C9orf43: variants seen among roughly 807,000 people sequenced by gnomAD.
C9orf43 encodes uncharacterized protein C9orf43.
A neutral mutation model predicts 59.1 loss-of-function variants in C9orf43; 45 were observed. The ratio of observed to expected loss-of-function variants is 0.76; its 90% CI spans 0.60 to 0.98. C9orf43 has a LOEUF of 0.98. C9orf43 is among the 50% of genes least tolerant of loss of function. C9orf43 has a pLI of 0.00. For missense variants in C9orf43, 533 were observed against 554.9 expected (o/e 0.96, Z 0.40); for synonymous variants, 203 against 196.8 (o/e 1.03, Z -0.26).
At chr9:113,420,536 A>T (rs1588107559) in intron 4 of C9orf43, among the ~76,000 whole-genome samples, 1 of 152,354 alleles carries the variant, frequency 6.6e-6, no homozygotes, top group Admixed American at 6.5e-5. Flanking sequence ...TATTTTGAAT[A>T]GTTTTTTCGT....
intron 1 of C9orf43, among the ~76,000 whole-genome samples, chr9:113,412,140 A>G (rs953043410): frequency 1.3e-5 from 2 of 152,252 alleles, no homozygotes; most frequent in East Asian, 1.9e-4. Flanking sequence ...ATTAGAGACC[A>G]TAAGGTCTGG....
rs913860370 is a variant in C9orf43, at chr9:113,429,681, T to G, written c.*295T>G. 2.9e-5 allele frequency: 9 copies of G among 306,700 alleles called. No individual in the cohort carries two copies. Among genetic ancestry groups the G allele is most frequent in the African/African-American group, 2.0e-4 (9 of 46,070 alleles). 19.0% of individuals were successfully genotyped at this position (306,700 alleles called of 1,614,324 possible). On this transcript the variant is annotated 3_prime_UTR_variant, in exon 14 of 14. Transcript: ENST00000374165. ...TTTGGTGATTAAACACAACTGCTTTTCAATCAAAAGACTTATTTTCTGTTT... is the reference window on the plus strand; with the variant it reads ...TTTGGTGATTAAACACAACTGCTTTGCAATCAAAAGACTTATTTTCTGTTT...
At chr9:113,426,930 A>C (rs1027548850) in intron 11 of C9orf43, among the ~76,000 whole-genome samples, 3 of 152,128 alleles carry the variant, frequency 2.0e-5, no homozygotes, top group African/African-American at 7.2e-5. Flanking sequence ...AGTTTTCCTG[A>C]TATGGGAAAG....
intron 3 of C9orf43, among the ~76,000 whole-genome samples, chr9:113,418,514 A>G (rs1375864845): frequency 2.0e-5 from 3 of 152,230 alleles, no homozygotes; most frequent in Non-Finnish European, 2.9e-5. Context: ...AGTTTAATTT[A>G]TAAGTTAGGC....
At chr9:113,418,105 G>A (rs1828438834) in intron 3 of C9orf43, among the ~76,000 whole-genome samples, 1 of 152,170 alleles carries the variant, frequency 6.6e-6, no homozygotes, top group African/African-American at 2.4e-5. Flanking sequence ...CCATTTTTAA[G>A]CATACAATTC....
chr9:113,422,797 C>A (rs1047013322), intron 6 of C9orf43, among the ~76,000 whole-genome samples: 1 of 152,030 alleles, frequency 6.6e-6, no homozygotes, highest in Non-Finnish European at 1.5e-5. Context: ...ATGAAGAGCA[C>A]CTTGAGATAA....
At chr9:113,425,967 A>G (rs528683895) in intron 11 of C9orf43, among the ~76,000 whole-genome samples, 14 of 152,348 alleles carry the variant, frequency 9.2e-5, no homozygotes, top group African/African-American at 3.1e-4. Context: ...AAAGATGACC[A>G]TGAACATGAA....
At position 113,421,193 on chromosome 9, in the gene C9orf43, A is replaced by T; in HGVS notation, c.436A>T (p.Ile146Leu). The stretch of plus-strand genomic sequence containing the variant: ...ATTGTGGATCCCAGAAGAAACAGAG[A>T]TACATGTGAGGTGAGTATCATATCT... Reference protein sequence around the residue: ...VVLWIPEETEIHVSQHGKKKR... With the variant: ...VVLWIPEETELHVSQHGKKKR... Residue 146 changes from isoleucine (I) to leucine (L), a missense_variant, in exon 5 of 14, where the codon ATA becomes TTA. Coordinates refer to ENST00000374165, the MANE Select transcript of C9orf43 (RefSeq NM_001278629.2). The T allele has an allele frequency of 1.2e-6, 2 of 1,609,414 alleles. No homozygotes were observed. The highest frequency in any genetic ancestry group is 1.7e-6 in the Non-Finnish European group (2 of 1,175,972).
intron 1 of C9orf43, 162 bp downstream of exon 1, chr9:113,411,163 T>G (rs536652656): frequency 1.1e-6 from 1 of 945,240 alleles, no homozygotes; most frequent in East Asian, 1.2e-4. Flanking sequence ...AGAAGCAGCC[T>G]TTTCACTGTA....
chr9:113,422,463 G>T, intron 5 of C9orf43, 86 bp from the exon 6 acceptor site: 1 of 1,549,378 alleles, frequency 6.5e-7, no homozygotes, highest in Non-Finnish European at 8.8e-7. Context: ...TTCTGTTTAA[G>T]ATATCTGGGA....
rs1353356025 is a variant in C9orf43 at position 113,422,596 on chromosome 9, T to C, written c.483+11T>C. 6.2e-7 allele frequency: 1 copy of C among 1,613,936 alleles called. No homozygotes were observed. Among genetic ancestry groups the C allele is most frequent in the Admixed American group, 1.7e-5 (1 of 59,986 alleles). ...AAGAACTCGGCAGTGGTGAGTTTGA[T>C]GTTTTTGTGCAAACCTTTATAATAT... On this transcript the variant is annotated intron_variant, in intron 6 of 13. Transcript: ENST00000374165.
chr9:113,423,646 G>T (rs1161438255), intron 7 of C9orf43, 148 bp downstream of exon 7: 10 of 711,464 alleles, frequency 1.4e-5, no homozygotes, highest in East Asian at 8.2e-5. Context: ...TTACCAACAG[G>T]CAGGGATGAC....
At chr9:113,415,184 C>T (rs1828312570) in intron 3 of C9orf43, among the ~76,000 whole-genome samples, 2 of 151,694 alleles carry the variant, frequency 1.3e-5, no homozygotes. Context: ...TACTTTGTTG[C>T]CTAGCCTGGA....
intron 4 of C9orf43, among the ~76,000 whole-genome samples, chr9:113,419,569 A>G (rs1041462851): frequency 1.3e-5 from 2 of 152,176 alleles, no homozygotes; most frequent in African/African-American, 4.8e-5. Flanking sequence ...CTACAGTAAG[A>G]AATAGATTTT....
At chr9:113,414,069 C>T (rs1453576390) in intron 3 of C9orf43, among the ~76,000 whole-genome samples, 175 bp downstream of exon 3, 1 of 152,130 alleles carries the variant, frequency 6.6e-6, no homozygotes, top group Non-Finnish European at 1.5e-5. Context: ...TGCTTGTGCC[C>T]TAGGAATTGG....
At position 113,419,455 on chromosome 9, in the gene C9orf43, A is replaced by G. The variant is rs531286598; in HGVS notation, c.345+290A>G. 2.6e-5 allele frequency among the ~76,000 whole-genome samples: 4 copies of G among 152,326 alleles called. No homozygotes were observed. The East Asian group carries it at 7.7e-4, about 29-fold the overall frequency. On this transcript the variant is annotated intron_variant, in intron 4 of 13. Transcript: ENST00000374165. The stretch of plus-strand genomic sequence containing the variant: ...TAGAACATGTTCAGCTACTCAGTAA[A>G]TACTGTCGTCTCATAATCAGGGAAA...
In C9orf43 at chr9:113,413,584, A is replaced by G. The variant is rs778187103; in HGVS notation, c.91A>G (p.Ile31Val). The G allele has an allele frequency of 2.5e-6, 4 of 1,614,112 alleles. No individual in the cohort carries two copies. The South Asian group carries it at 3.3e-5, about 13-fold the overall frequency. The change falls in exon 2 of 14, where the codon ATT (isoleucine) becomes GTT (valine). Residue 31 changes from isoleucine (I) to valine (V), a missense_variant. Transcript: ENST00000374165. ...HPQCWATIRR[I>V]ERGHPRILGS... ...ACAATGCTGGGCAACTATCCGCCGC[A>G]TTGAGAGGGGCCATCCTCGAATCCT... is the stretch of plus-strand genomic sequence containing the variant.
intron 11 of C9orf43, among the ~76,000 whole-genome samples, chr9:113,427,064 A>G (rs181366540): frequency 1.3e-5 from 2 of 152,280 alleles, no homozygotes; most frequent in East Asian, 3.9e-4. Context: ...TATCACACCA[A>G]AGAGGTAGGC....
intron 6 of C9orf43, 135 bp from the exon 7 acceptor site, chr9:113,423,191 C>A: frequency 1.4e-6 from 1 of 693,830 alleles, no homozygotes; most frequent in Non-Finnish European, 2.4e-6. Flanking sequence ...AAACATGTGG[C>A]GGCCCTCATC....
Sources: gnomAD v4.1 joint callset for allele counts (sites outside exome capture counted in the v4.1 genomes callset) on GRCh38, gnomAD v4.1.1 for gene constraint, MANE v1.5 for transcripts, NCBI Gene and HGNC (gene_info 2026-07-23, HGNC 2026-07-21) for gene names.